The following MIR2052HG variants were observed in gnomAD, a reference collection of about 807,000 sequenced individuals.
MIR2052HG encodes the protein MIR2052 host gene.
At chr8:74,689,604 A>G (rs1809218776) in intron 2 of MIR2052HG, among the ~76,000 whole-genome samples, 1 of 152,204 alleles carries the variant, frequency 6.6e-6, no homozygotes, top group African/African-American at 2.4e-5. Flanking sequence ...TATTTACTTC[A>G]TATGGTCAAC....
chr8:74,726,064 G>A (rs1162501468), intron 4 of MIR2052HG, among the ~76,000 whole-genome samples: 1 of 152,156 alleles, frequency 6.6e-6, no homozygotes, highest in African/African-American at 2.4e-5. Flanking sequence ...GTGGTCGTGG[G>A]CACCTGTAAT....
chr8:74,603,032 A>ACC (rs1447404329), intron 1 of MIR2052HG, among the ~76,000 whole-genome samples: 14 of 101,914 alleles, frequency 1.4e-4, no homozygotes, highest in Non-Finnish European at 1.4e-4. Flanking sequence ...AAAACAAAAC[A>ACC]AAACACCAAA....
intron 2 of MIR2052HG, among the ~76,000 whole-genome samples, chr8:74,661,401 A>T (rs28594933): frequency 0.11 from 16,713 of 151,656 alleles, 1,131 homozygotes; most frequent in African/African-American, 0.18. Flanking sequence ...TGGGGTTTCA[A>T]TATGTTGGCC....
At chr8:74,671,518 T>C (rs1180368520) in intron 2 of MIR2052HG, among the ~76,000 whole-genome samples, 1 of 152,160 alleles carries the variant, frequency 6.6e-6, no homozygotes, top group African/African-American at 2.4e-5. Context: ...ACTCTCATTT[T>C]AAAAGCTGAG....
intron 4 of MIR2052HG, among the ~76,000 whole-genome samples, chr8:74,719,850 T>TTTTC (rs1200038663): frequency 8.6e-5 from 2 of 23,266 alleles, no homozygotes; most frequent in African/African-American, 6.6e-4. Flanking sequence ...TTCTTTTTTC[T>TTTTC]TTTTTTTTTT....
intron 4 of MIR2052HG, among the ~76,000 whole-genome samples, chr8:74,731,090 C>T (rs1809687378): frequency 6.6e-6 from 1 of 152,146 alleles, no homozygotes; most frequent in Non-Finnish European, 1.5e-5. Context: ...AGCCAGTTGA[C>T]ATTATCCAGC....
At chr8:74,678,516 T>C (rs2128738800) in intron 2 of MIR2052HG, among the ~76,000 whole-genome samples, 1 of 143,108 alleles carries the variant, frequency 7.0e-6, no homozygotes, top group Admixed American at 7.3e-5. Context: ...TGAGCTGAGA[T>C]TGTGCCATTG....
intron 2 of MIR2052HG, among the ~76,000 whole-genome samples, chr8:74,676,801 C>T (rs1809057906): frequency 6.6e-6 from 1 of 151,854 alleles, no homozygotes; most frequent in Admixed American, 6.6e-5. Context: ...AGTGTACTTA[C>T]AACACACACA....
At chr8:74,692,896 T>TA (rs1423849393) in intron 2 of MIR2052HG, among the ~76,000 whole-genome samples, 2 of 152,186 alleles carry the variant, frequency 1.3e-5, no homozygotes, top group East Asian at 3.8e-4. Context: ...AAGTCAAGAA[T>TA]AAAAGTATTT....
At chr8:74,600,180 C>CTG (rs1807972056) in intron 1 of MIR2052HG, among the ~76,000 whole-genome samples, 1 of 152,176 alleles carries the variant, frequency 6.6e-6, no homozygotes, top group Non-Finnish European at 1.5e-5. Context: ...GCAGAAATCA[C>CTG]CCTTCTTCTG....
exon 4 of MIR2052HG, chr8:74,703,642 T>C (rs77156590): frequency 0.01 from 4,569 of 452,790 alleles, 45 homozygotes; most frequent in Middle Eastern, 0.04. Context: ...ACAGGAAAAT[T>C]AGGAGGAATG....
At chr8:74,639,197 T>C (rs1033326518) in intron 2 of MIR2052HG, among the ~76,000 whole-genome samples, 2 of 152,204 alleles carry the variant, frequency 1.3e-5, no homozygotes, top group African/African-American at 4.8e-5. Context: ...AACTCTTTCT[T>C]TCTCCTGCCT....
At chr8:74,602,060 C>A (rs149523897) in intron 1 of MIR2052HG, among the ~76,000 whole-genome samples, 125 of 152,288 alleles carry the variant, frequency 8.2e-4, no homozygotes, top group Admixed American at 1.7e-3. Flanking sequence ...CTGACACCTA[C>A]TGGGCTGCAT....
chr8:74,723,613 A>G (rs931773293), intron 4 of MIR2052HG, among the ~76,000 whole-genome samples: 2 of 152,128 alleles, frequency 1.3e-5, no homozygotes, highest in Admixed American at 6.5e-5. Context: ...ATCTGGCTCT[A>G]TGCTCGGACT....
At chr8:74,734,731 C>T (rs186849632) in intron 4 of MIR2052HG, among the ~76,000 whole-genome samples, 7 of 152,358 alleles carry the variant, frequency 4.6e-5, no homozygotes, top group Admixed American at 1.3e-4. Flanking sequence ...GAGCAGCCCT[C>T]GTTGTTGTGT....
chr8:74,698,781 G>A (rs34701269), intron 2 of MIR2052HG, among the ~76,000 whole-genome samples: 1 of 152,120 alleles, frequency 6.6e-6, no homozygotes, highest in Non-Finnish European at 1.5e-5. Context: ...GTGCCTCTTA[G>A]GGGGTGGGAG....
At chr8:74,707,257 A>C (rs879023692) in intron 4 of MIR2052HG, among the ~76,000 whole-genome samples, 1 of 152,232 alleles carries the variant, frequency 6.6e-6, no homozygotes. Context: ...AATAATTTTA[A>C]AACCGATTGA....
intron 2 of MIR2052HG, among the ~76,000 whole-genome samples, chr8:74,671,391 G>A (rs1449596876): frequency 6.6e-6 from 1 of 151,964 alleles, no homozygotes; most frequent in African/African-American, 2.4e-5. Context: ...CATATTCTAA[G>A]GATAGCTTCG....
At chr8:74,676,592 G>T (rs1402918689) in intron 2 of MIR2052HG, among the ~76,000 whole-genome samples, 1 of 151,854 alleles carries the variant, frequency 6.6e-6, no homozygotes, top group Non-Finnish European at 1.5e-5. Context: ...ATGTGGCAAG[G>T]TGTACAAAGT....
Sources: allele counts gnomAD v4.1 joint callset (sites outside exome capture counted in the v4.1 genomes callset), GRCh38; gene constraint gnomAD v4.1.1; transcripts MANE v1.5; gene names NCBI Gene and HGNC (gene_info 2026-07-23, HGNC 2026-07-21).